Variants in DYNC2H1 observed in about 807,000 individuals in gnomAD.
DYNC2H1 encodes the protein cytoplasmic dynein 2 heavy chain 1.
DYNC2H1 carries 410 observed loss-of-function variants against 570.0 expected under a neutral mutation model. The ratio of observed to expected loss-of-function variants is 0.72; its 90% CI spans 0.66 to 0.78. DYNC2H1 has a LOEUF of 0.78. Ranked by LOEUF, DYNC2H1 falls within the 30% of genes least tolerant of loss-of-function variation. DYNC2H1 has a pLI of 0.00. For synonymous variants in DYNC2H1, 1,688 were observed against 1,677.6 expected (o/e 1.01, Z -0.15); for missense variants, 4,865 against 5,046.4 (o/e 0.96, Z 1.09).
chr11:103,296,488 T>A (rs1267076731), intron 75 of DYNC2H1, among the ~76,000 whole-genome samples: 1 of 152,232 alleles, frequency 6.6e-6, no homozygotes, highest in Non-Finnish European at 1.5e-5. Flanking sequence ...TATTTAGCAC[T>A]AAAATTAGTT....
intron 83 of DYNC2H1, among the ~76,000 whole-genome samples, chr11:103,380,481 G>C (rs1941597948): frequency 6.6e-6 from 1 of 152,160 alleles, no homozygotes; most frequent in South Asian, 2.1e-4. Flanking sequence ...AGTCTTCTTT[G>C]GGAGCCCAGA....
In DYNC2H1 at chr11:103,153,435, G is replaced by C. The variant is rs1210813860; in HGVS notation, c.3229G>C (p.Asp1077His). 6.4e-7 allele frequency: 1 copy of C among 1,567,870 alleles called. No homozygotes were observed. Among genetic ancestry groups the C allele is most frequent in the South Asian group, 1.2e-5 (1 of 83,354 alleles). Reference sequence around the variant, plus strand: ...TGAAACTGGCCAACATAATACTCTTGATAAAAGTGCAAAGTTAATAAAAGA... The same window carrying C: ...TGAAACTGGCCAACATAATACTCTTCATAAAAGTGCAAAGTTAATAAAAGA... ...VIETGQHNTL[D>H]KSAKLIKEKK... is the part of the protein sequence containing the mutation. Residue 1077 changes from aspartate (D) to histidine (H), a missense_variant, in exon 22 of 89, where the codon GAT (aspartate) becomes CAT (histidine). By Grantham distance (81) the Asp-to-His change is moderately conservative. Coordinates refer to ENST00000375735, the MANE Select transcript of DYNC2H1 (RefSeq NM_001377.3).
chr11:103,229,685 G>C (rs1396822465), intron 59 of DYNC2H1, among the ~76,000 whole-genome samples: 1 of 152,198 alleles, frequency 6.6e-6, no homozygotes, highest in East Asian at 1.9e-4. Context: ...TTGTTCTAGA[G>C]ATTACCTATT....
At chr11:103,223,210 A>T in intron 59 of DYNC2H1, 124 bp downstream of exon 59, 1 of 915,918 alleles carries the variant, frequency 1.1e-6, no homozygotes, top group Non-Finnish European at 1.5e-6. Flanking sequence ...ACTAAAATAT[A>T]TGAATGAGTC....
At chr11:103,126,944 T>C (rs756127232) in intron 12 of DYNC2H1, among the ~76,000 whole-genome samples, 3 of 152,218 alleles carry the variant, frequency 2.0e-5, no homozygotes, top group Non-Finnish European at 2.9e-5. Flanking sequence ...GGCCTATTTG[T>C]TTCATTTCAA....
chr11:103,251,547 G>A (rs1266340576), intron 65 of DYNC2H1, among the ~76,000 whole-genome samples: 1 of 151,998 alleles, frequency 6.6e-6, no homozygotes, highest in African/African-American at 2.4e-5. Flanking sequence ...TGTGTCAAGA[G>A]CAGCTAAACT....
chr11:103,212,941 AAACTT>A (rs945470052), intron 54 of DYNC2H1, among the ~76,000 whole-genome samples: 1 of 152,138 alleles, frequency 6.6e-6, no homozygotes, highest in African/African-American at 2.4e-5. Flanking sequence ...CATATGGAAA[AAACTT>A]AGCTTAATAC....
intron 84 of DYNC2H1, among the ~76,000 whole-genome samples, chr11:103,420,013 G>C (rs1196243675): frequency 6.6e-6 from 1 of 151,964 alleles, no homozygotes; most frequent in East Asian, 1.9e-4. Context: ...TAGCAGAATA[G>C]ACCAAGCAGA....
intron 47 of DYNC2H1, 128 bp downstream of exon 47, chr11:103,192,392 G>A (rs543844005): frequency 1.4e-4 from 90 of 636,948 alleles, no homozygotes; most frequent in East Asian, 2.2e-4. Context: ...TTATTTTTCC[G>A]TAAGGTACAG....
chr11:103,138,250 A>G (rs966393604), intron 17 of DYNC2H1, among the ~76,000 whole-genome samples: 2 of 152,024 alleles, frequency 1.3e-5, no homozygotes, highest in Admixed American at 6.6e-5. Flanking sequence ...CCTGGCCAGA[A>G]CTTCCAACAC....
In DYNC2H1 at chr11:103,234,347, T is replaced by G. The variant is rs1390244446; in HGVS notation, c.9567+187T>G. Among the ~76,000 whole-genome samples, 5 of 152,002 alleles carry G rather than the reference T, an allele frequency of 3.3e-5. No individual in the cohort carries two copies. The East Asian group carries it at 9.6e-4, about 29-fold the overall frequency. On this transcript the variant is annotated intron_variant, in intron 61 of 88. Coordinates refer to ENST00000375735, the MANE Select transcript of DYNC2H1 (RefSeq NM_001377.3). ...CAAAGCGTCTTTATATGAATAGATT[T>G]TTAGGCAAAGCAGCCTATTTTCCTT...
At chr11:103,132,600 A>G (rs1859333244) in intron 13 of DYNC2H1, among the ~76,000 whole-genome samples, 1 of 151,732 alleles carries the variant, frequency 6.6e-6, no homozygotes, top group South Asian at 2.1e-4. Flanking sequence ...ACTGTATAAT[A>G]TTTAATTTTT....
rs746836884 is a variant in DYNC2H1 at position 103,113,684 on chromosome 11, G to A, written c.343G>A (p.Val115Ile). 28 of 1,543,608 alleles carry A rather than the reference G, an allele frequency of 1.8e-5. 1 individual carries two copies. The South Asian group carries it at 3.7e-4, about 21-fold the overall frequency. Reference sequence around the variant, plus strand: ...TTCTCTTTACCAAGCAGTACGGCAAGTATTCGCACCAATGTTGTTAAAGGT... The same window carrying A: ...TTCTCTTTACCAAGCAGTACGGCAAATATTCGCACCAATGTTGTTAAAGGT... ...ISSLYQAVRQ[V>I]FAPMLLKDQE... The change falls in exon 2 of 89, where the codon GTA (valine) becomes ATA (isoleucine). Residue 115 changes from valine to isoleucine, a missense_variant. Coordinates refer to ENST00000375735, the MANE Select transcript of DYNC2H1 (RefSeq NM_001377.3).
chr11:103,213,650 T>G (rs554552337), intron 54 of DYNC2H1, among the ~76,000 whole-genome samples: 3 of 151,860 alleles, frequency 2.0e-5, no homozygotes, highest in Non-Finnish European at 4.4e-5. Flanking sequence ...TCTATTCAGA[T>G]CCTTTGCCTG....
Position 103,170,090 on chromosome 11 carries a change from T to C in DYNC2H1, c.4969-18T>C. On this transcript the variant is annotated intron_variant, in intron 32 of 88. Transcript: ENST00000375735. The surrounding 1 kb of genome is among the most constrained non-coding windows in gnomAD (Gnocchi z 4.8). ...GAATAGAACATGAATACTCTGACTTTGTGTTGTTCTTGTATAGGGTAATGC... is the reference window on the plus strand; with the variant it reads ...GAATAGAACATGAATACTCTGACTTCGTGTTGTTCTTGTATAGGGTAATGC... The C allele has an allele frequency of 6.3e-7, 1 of 1,583,262 alleles. No homozygotes were observed. The highest frequency in any genetic ancestry group is 1.4e-5 in the African/African-American group (1 of 73,792).
intron 70 of DYNC2H1, among the ~76,000 whole-genome samples, chr11:103,272,606 C>T (rs1349394265): frequency 1.3e-5 from 2 of 152,138 alleles, no homozygotes; most frequent in Non-Finnish European, 2.9e-5. Flanking sequence ...AAAAGAAATT[C>T]TAGTGCATCC....
intron 17 of DYNC2H1, 100 bp downstream of exon 17, chr11:103,136,048 T>G: frequency 9.8e-7 from 1 of 1,017,118 alleles, no homozygotes; most frequent in South Asian, 3.2e-5. Flanking sequence ...TTGTGTGGCA[T>G]AACATTAAAA....
chr11:103,183,296 G>A (rs550768141), intron 40 of DYNC2H1, among the ~76,000 whole-genome samples: 93 of 151,936 alleles, frequency 6.1e-4, no homozygotes, highest in African/African-American at 2.2e-3. Flanking sequence ...ATACTTTGAG[G>A]TAATCTGCTC....
chr11:103,303,841 C>A (rs1428132205), intron 76 of DYNC2H1, among the ~76,000 whole-genome samples: 1 of 152,136 alleles, frequency 6.6e-6, no homozygotes, highest in African/African-American at 2.4e-5. Flanking sequence ...ATAGGAAATT[C>A]ATACATTTGC....
Sources: gnomAD v4.1 joint callset for allele counts (sites outside exome capture counted in the v4.1 genomes callset) on GRCh38, gnomAD v4.1.1 for gene constraint, Gnocchi (gnomAD v3.1) non-coding constraint, MANE v1.5 for transcripts, NCBI Gene and HGNC (gene_info 2026-07-23, HGNC 2026-07-21) for gene names.